The following MARCHF1 variants were observed in gnomAD, a reference collection of about 807,000 sequenced individuals.
The protein encoded by MARCHF1 is membrane associated ring-CH-type finger 1, also known as E3 ubiquitin-protein ligase MARCHF1.
Under a neutral mutation model 54.2 loss-of-function variants are expected in MARCHF1, and 40 were observed. That is an observed-to-expected ratio of 0.74 (90% CI 0.57 to 0.96). The LOEUF (loss-of-function observed/expected upper bound fraction) is 0.96. Ranked by LOEUF, MARCHF1 falls within the 40% of genes least tolerant of loss-of-function variation. The pLI, the probability that MARCHF1 is intolerant of heterozygous loss-of-function variation, is 0.00. For synonymous variants in MARCHF1, 236 were observed against 236.3 expected, an observed-to-expected ratio of 1.00 and a Z score of 0.01; for missense variants, 586 against 656.5, an observed-to-expected ratio of 0.89 and a Z score of 1.17.
intron 1 of MARCHF1, among the ~76,000 whole-genome samples, chr4:164,290,805 T>A (rs1479589765): frequency 6.6e-6 from 1 of 151,934 alleles, no homozygotes; most frequent in Non-Finnish European, 1.5e-5. Context: ...ATAAATAGCC[T>A]GTGAAGGAAA....
At chr4:164,320,451 TG>T (rs1735112163) in intron 1 of MARCHF1, among the ~76,000 whole-genome samples, 1 of 152,054 alleles carries the variant, frequency 6.6e-6, no homozygotes, top group South Asian at 2.1e-4. Flanking sequence ...GTCACAGAAG[TG>T]GCAGCTCTGG....
chr4:163,876,203 C>T (rs144797094), intron 3 of MARCHF1, among the ~76,000 whole-genome samples: 1 of 152,164 alleles, frequency 6.6e-6, no homozygotes, highest in Non-Finnish European at 1.5e-5. Context: ...GCCAGCTCAA[C>T]TATATCCACC....
At chr4:164,043,487 G>C (rs1413709930) in intron 2 of MARCHF1, among the ~76,000 whole-genome samples, 1 of 152,122 alleles carries the variant, frequency 6.6e-6, no homozygotes, top group Non-Finnish European at 1.5e-5. Context: ...ATGTCCTGAG[G>C]CTGAACAGAG....
chr4:163,744,793 G>A (rs1283395018), intron 4 of MARCHF1, among the ~76,000 whole-genome samples: 3 of 151,976 alleles, frequency 2.0e-5, no homozygotes, highest in Admixed American at 6.6e-5. Context: ...ATTGAGTCAA[G>A]CTGTAAAAAT....
At chr4:163,641,806 T>C (rs1332745099) in intron 5 of MARCHF1, among the ~76,000 whole-genome samples, 1 of 152,154 alleles carries the variant, frequency 6.6e-6, no homozygotes, top group Non-Finnish European at 1.5e-5. Context: ...GTGCTAGAGA[T>C]TAGTGAGACA....
chr4:164,232,449 A>G (rs1009572910), intron 1 of MARCHF1, among the ~76,000 whole-genome samples: 2 of 152,142 alleles, frequency 1.3e-5, no homozygotes, highest in African/African-American at 4.8e-5. Flanking sequence ...TGTTAAGTAT[A>G]TAAGACAGTG....
At chr4:163,974,183 T>G (rs1336916808) in intron 3 of MARCHF1, among the ~76,000 whole-genome samples, 4 of 152,212 alleles carry the variant, frequency 2.6e-5, no homozygotes, top group Non-Finnish European at 5.9e-5. Context: ...CCCCTAATTT[T>G]GAATAGGGTG....
chr4:164,054,314 G>T (rs375707439), intron 2 of MARCHF1, among the ~76,000 whole-genome samples: 2,890 of 150,908 alleles, frequency 0.019, 56 homozygotes, highest in East Asian at 0.048. Context: ...GGAACACTTT[G>T]ACACTGTTGG....
chr4:163,932,529 G>C (rs990315855), intron 3 of MARCHF1: 11 of 354,114 alleles, frequency 3.1e-5, no homozygotes, highest in Non-Finnish European at 5.0e-5. Flanking sequence ...TCCTGCCATA[G>C]AGAAAATGGA....
chr4:163,875,998 A>G (rs897671095), intron 3 of MARCHF1, among the ~76,000 whole-genome samples: 2 of 152,158 alleles, frequency 1.3e-5, no homozygotes, highest in African/African-American at 4.8e-5. Flanking sequence ...TATTGAAGCG[A>G]TAAAGGAAAG....
intron 4 of MARCHF1, among the ~76,000 whole-genome samples, chr4:163,778,491 G>A (rs141654384): frequency 1.3e-5 from 2 of 152,114 alleles, no homozygotes; most frequent in Non-Finnish European, 2.9e-5. Context: ...GTGCTTATTT[G>A]TCATCTATAC....
chr4:164,133,995 T>C (rs1032844891), intron 1 of MARCHF1, among the ~76,000 whole-genome samples: 1 of 152,250 alleles, frequency 6.6e-6, no homozygotes, highest in Non-Finnish European at 1.5e-5. Flanking sequence ...AGTTATTTTA[T>C]AACCCTAGCA....
intron 4 of MARCHF1, among the ~76,000 whole-genome samples, chr4:163,749,118 A>G (rs1183925483): frequency 6.6e-6 from 1 of 151,808 alleles, no homozygotes; most frequent in Non-Finnish European, 1.5e-5. Context: ...CTGATCTTGT[A>G]TCTTTTTATT....
intron 8 of MARCHF1, among the ~76,000 whole-genome samples, chr4:163,566,373 G>A (rs1450132451): frequency 2.0e-5 from 3 of 152,214 alleles, no homozygotes; most frequent in Admixed American, 2.0e-4. Flanking sequence ...CATATTAGGA[G>A]CAAAGGAACT....
chr4:164,334,932 C>T (rs1729692231), intron 1 of MARCHF1, among the ~76,000 whole-genome samples: 1 of 152,102 alleles, frequency 6.6e-6, no homozygotes, highest in Admixed American at 6.6e-5. Context: ...CAAGTAACTG[C>T]AGAGGTGGTA....
intron 5 of MARCHF1, 90 bp from the exon 6 acceptor site, chr4:163,613,483 A>C (rs867016099): frequency 6.2e-7 from 1 of 1,612,176 alleles, no homozygotes. Context: ...AAAAAATTAC[A>C]ACAAACGTGG....
intron 2 of MARCHF1, among the ~76,000 whole-genome samples, chr4:164,057,368 T>C (rs1278081728): frequency 6.6e-6 from 1 of 152,226 alleles, no homozygotes; most frequent in Non-Finnish European, 1.5e-5. Flanking sequence ...TTCAATTTCT[T>C]CCTCTTATTC....
chr4:163,696,524 C>T (rs1458391740), intron 5 of MARCHF1, among the ~76,000 whole-genome samples: 2 of 152,128 alleles, frequency 1.3e-5, no homozygotes, highest in Non-Finnish European at 2.9e-5. Context: ...GTAGGTGACA[C>T]TTCTTCACAT....
intron 3 of MARCHF1, among the ~76,000 whole-genome samples, chr4:163,963,876 T>C (rs1211257914): frequency 1.3e-5 from 2 of 151,952 alleles, no homozygotes; most frequent in Non-Finnish European, 2.9e-5. Flanking sequence ...TCCAGCCTAG[T>C]CCAACTTTTG....
Sources: allele counts gnomAD v4.1 joint callset (sites outside exome capture counted in the v4.1 genomes callset), GRCh38; gene constraint gnomAD v4.1.1; transcripts MANE v1.5; gene names NCBI Gene and HGNC (gene_info 2026-07-23, HGNC 2026-07-21).